CASZ1: variants seen among roughly 807,000 people sequenced by gnomAD.
CASZ1 encodes castor zinc finger 1, also known as zinc finger protein castor homolog 1.
A neutral mutation model predicts 135.2 loss-of-function variants in CASZ1; 28 were observed. The observed-to-expected ratio is 0.21, with a 90% CI of 0.15 to 0.28. CASZ1 has a LOEUF of 0.28. CASZ1 is among the 10% of genes least tolerant of loss of function. CASZ1 has a pLI of 1.00. For synonymous variants in CASZ1, 1,068 were observed against 1,073.4 expected (o/e 0.99, Z 0.10); for missense variants, 2,161 against 2,453.3 (o/e 0.88, Z 2.52).
At position 10,732,383 on chromosome 1, in the gene CASZ1, C is replaced by T. The variant is rs921021436; in HGVS notation, c.-76-26839G>A. Among the ~76,000 whole-genome samples, 4 of 151,328 alleles carry T rather than the reference C, an allele frequency of 2.6e-5. No homozygotes were observed. The East Asian group carries it at 7.7e-4, about 29-fold the overall frequency. ...CCACACAAACCAAAACTTTAAGAGC[C>T]CCAATACTTTTTAAGATCATAAAGG... is the stretch of plus-strand genomic sequence containing the variant. On this transcript the variant is annotated intron_variant, in intron 2 of 20. Transcript: ENST00000377022.
chr1:10,678,556 C>A (rs956697499), intron 4 of CASZ1, among the ~76,000 whole-genome samples: 2 of 152,200 alleles, frequency 1.3e-5, no homozygotes, highest in Non-Finnish European at 2.9e-5. Context: ...CCAGCTCCCC[C>A]ACCCGTTCAC....
intron 2 of CASZ1, among the ~76,000 whole-genome samples, chr1:10,737,792 C>G (rs1639829064): frequency 6.6e-6 from 1 of 152,240 alleles, no homozygotes; most frequent in African/African-American, 2.4e-5. Context: ...GGCCGAGGTG[C>G]TCGGAGGGCT....
At chr1:10,681,211 TTTC>T (rs1337590215) in intron 4 of CASZ1, among the ~76,000 whole-genome samples, 1 of 152,110 alleles carries the variant, frequency 6.6e-6, no homozygotes, top group African/African-American at 2.4e-5. Context: ...TTTTTTTTTT[TTTC>T]CTTGAAGTCT....
chr1:10,731,540 C>T (rs983166179), intron 2 of CASZ1, among the ~76,000 whole-genome samples: 4 of 152,252 alleles, frequency 2.6e-5, no homozygotes, highest in Admixed American at 6.5e-5. Flanking sequence ...GCTCTGATTG[C>T]GCCACTGAAC....
intron 2 of CASZ1, among the ~76,000 whole-genome samples, chr1:10,743,894 G>A (rs1438337503): frequency 6.6e-6 from 1 of 151,620 alleles, no homozygotes; most frequent in Non-Finnish European, 1.5e-5. Flanking sequence ...GGGAGCATGG[G>A]GCGGCGGGGG....
rs571167763 is a variant in CASZ1 at position 10,662,581 on chromosome 1, A to G, written c.506-2045T>C. On this transcript the variant is annotated intron_variant, in intron 5 of 20. Transcript: ENST00000377022. The stretch of plus-strand genomic sequence containing the variant: ...CTACACACCCAGTCATGTGCTCACA[A>G]TCACACACACAATCACACACACTCT... Among the ~76,000 whole-genome samples the G allele has an allele frequency of 2.0e-5, 3 of 148,984 alleles. No individual in the cohort carries two copies. The East Asian group carries it at 5.9e-4, about 30-fold the overall frequency.
At chr1:10,655,843 A>T in intron 8 of CASZ1, 30 bp from the exon 9 acceptor site, 1 of 1,607,146 alleles carries the variant, frequency 6.2e-7, no homozygotes, top group Non-Finnish European at 8.5e-7. Flanking sequence ...CGTGGGCAGG[A>T]GCCTGAGCTC....
rs891086117 is a variant in CASZ1, at chr1:10,697,592, C to T, written c.-23-3680G>A. On this transcript the variant is annotated intron_variant, in intron 3 of 20. Coordinates refer to ENST00000377022, the MANE Select transcript of CASZ1 (RefSeq NM_001079843.3). This position sits in a 1 kb window ranked among gnomAD's most constrained non-coding sequence, Gnocchi z 4.7. ...CACTGCTATCGCTGGTTCCTGTTACCCCCCCCGCACCCCCAAGTTGCCCAC... is the reference window on the plus strand; with the variant it reads ...CACTGCTATCGCTGGTTCCTGTTACTCCCCCCGCACCCCCAAGTTGCCCAC... Among the ~76,000 whole-genome samples the T allele has an allele frequency of 6.6e-6, 1 of 151,492 alleles. No homozygotes were observed. The highest frequency in any genetic ancestry group is 2.4e-5 in the African/African-American group (1 of 41,202).
intron 4 of CASZ1, among the ~76,000 whole-genome samples, chr1:10,690,595 G>GGCCGGGCTTCCTCCCATT (rs1205411591): frequency 6.6e-6 from 1 of 152,148 alleles, no homozygotes; most frequent in Non-Finnish European, 1.5e-5. Flanking sequence ...GAAAGAAACC[G>GGCCGGGCTTCCTCCCATT]GCCGGGCTTC....
At chr1:10,705,835 A>AGCCGT (rs920985419) in intron 2 of CASZ1, among the ~76,000 whole-genome samples, 9 of 152,378 alleles carry the variant, frequency 5.9e-5, no homozygotes, top group African/African-American at 1.9e-4. Context: ...GAGAAGAGTC[A>AGCCGT]GCCGTGCCGT....
chr1:10,696,311 C>T (rs1305681678), intron 3 of CASZ1, among the ~76,000 whole-genome samples: 1 of 152,200 alleles, frequency 6.6e-6, no homozygotes, highest in Non-Finnish European at 1.5e-5. Context: ...TTCCCCAACC[C>T]ATCCCTACAT....
chr1:10,699,531 A>G lies in CASZ1; in HGVS notation c.-23-5619T>C, dbSNP rs1241780920. The stretch of plus-strand genomic sequence containing the variant: ...CTGGCAGATCCAGGACAGTCGGCAG[A>G]AGTCTTGCTGGCAGCCCAGCACCCA... On this transcript the variant is annotated intron_variant, in intron 3 of 20. Transcript: ENST00000377022. This position sits in a 1 kb window ranked among gnomAD's most constrained non-coding sequence, Gnocchi z 4.6. Among the ~76,000 whole-genome samples, 1 of 152,230 alleles carries G rather than the reference A, an allele frequency of 6.6e-6. No homozygotes were observed. Among genetic ancestry groups the G allele is most frequent in the Non-Finnish European group, 1.5e-5 (1 of 68,038 alleles).
In CASZ1 at chr1:10,759,348, TC is replaced by T. The variant is rs1179467286; in HGVS notation, c.-77+1352del. On this transcript the variant is annotated intron_variant, in intron 2 of 20. Coordinates refer to ENST00000377022, the MANE Select transcript of CASZ1 (RefSeq NM_001079843.3). The surrounding 1 kb of genome is among the most constrained non-coding windows in gnomAD (Gnocchi z 4.2). ...CCAGAAGACTTCAGCGCCACGAAAC[TC>T]CCCCCACGGCCTTTTCCAGGTGACA... Among the ~76,000 whole-genome samples the T allele has an allele frequency of 6.6e-6, 1 of 151,670 alleles. No individual in the cohort carries two copies.
chr1:10,742,878 G>A (rs1337136742), intron 2 of CASZ1, among the ~76,000 whole-genome samples: 4 of 152,182 alleles, frequency 2.6e-5, no homozygotes, highest in Middle Eastern at 3.4e-3. Context: ...CCAGTTACTC[G>A]GGAGGCTGAG....
rs541601999 is a variant in CASZ1 at position 10,724,076 on chromosome 1, C to G, written c.-76-18532G>C. Among the ~76,000 whole-genome samples, 1 of 152,328 alleles carries G rather than the reference C, an allele frequency of 6.6e-6. No homozygotes were observed. The highest frequency in any genetic ancestry group is 1.9e-4 in the East Asian group (1 of 5,178). ...AGTTTTCCAAACCGACCTTGGAGCT[C>G]TTTGACCACAGCACACTTTGGGAGA... On this transcript the variant is annotated intron_variant, in intron 2 of 20. Coordinates refer to ENST00000377022, the MANE Select transcript of CASZ1 (RefSeq NM_001079843.3). This position sits in a 1 kb window ranked among gnomAD's most constrained non-coding sequence, Gnocchi z 4.1.
In CASZ1 at chr1:10,694,035, C is replaced by T. The variant is rs1438693956; in HGVS notation, c.-23-123G>A. 9.8e-6 allele frequency: 8 copies of T among 816,896 alleles called. No homozygotes were observed. Among genetic ancestry groups the T allele is most frequent in the African/African-American group, 5.6e-5 (3 of 53,760 alleles). 50.6% of individuals were successfully genotyped at this position (816,896 alleles called of 1,614,324 possible). A position where few individuals can be genotyped will look rare whatever the true frequency, so the allele number is the denominator to read the frequency against. ...GCAGGAGCGGCCCGTCCCGGGCGGG[C>T]GCCGAGGCCGCGGCGGAGAAACTTT... On this transcript the variant is annotated intron_variant, in intron 3 of 20. Coordinates refer to ENST00000377022, the MANE Select transcript of CASZ1 (RefSeq NM_001079843.3). The surrounding 1 kb of genome is among the most constrained non-coding windows in gnomAD (Gnocchi z 6.6).
At chr1:10,661,905 A>G (rs1557481891) in intron 5 of CASZ1, among the ~76,000 whole-genome samples, 1 of 151,822 alleles carries the variant, frequency 6.6e-6, no homozygotes, top group African/African-American at 2.4e-5. Flanking sequence ...ACACATATGC[A>G]TTCTCATACA....
chr1:10,686,103 C>T (rs1414591082), intron 4 of CASZ1, among the ~76,000 whole-genome samples: 3 of 152,208 alleles, frequency 2.0e-5, no homozygotes, highest in Middle Eastern at 6.8e-3. Context: ...GACCCCTTCC[C>T]AGGAAGGGCC....
rs780907297 is a variant in CASZ1, at chr1:10,650,926, G to T, written c.2816+15C>A. ...TGGTTCCCGGGGCTGGCTCCCATAG[G>T]GGGCCTCGCCTCACCTGGGCTCCTT... On this transcript the variant is annotated intron_variant, in intron 12 of 20. Coordinates refer to ENST00000377022, the MANE Select transcript of CASZ1 (RefSeq NM_001079843.3). The T allele has an allele frequency of 3.1e-6, 5 of 1,607,190 alleles. No homozygotes were observed. Among genetic ancestry groups the T allele is most frequent in the Non-Finnish European group, 4.2e-6 (5 of 1,178,298 alleles).
Sources: gnomAD v4.1 joint callset for allele counts (sites outside exome capture counted in the v4.1 genomes callset) on GRCh38, gnomAD v4.1.1 for gene constraint, Gnocchi (gnomAD v3.1) non-coding constraint, MANE v1.5 for transcripts, NCBI Gene and HGNC (gene_info 2026-07-23, HGNC 2026-07-21) for gene names.